The following PDE4B variants were observed in gnomAD, a reference collection of about 807,000 sequenced individuals.
PDE4B encodes phosphodiesterase 4B.
Under a neutral mutation model 82.2 loss-of-function variants are expected in PDE4B, and 20 were observed. The observed-to-expected ratio is 0.24, with a 90% confidence interval of 0.17 to 0.35. The LOEUF (loss-of-function observed/expected upper bound fraction) is 0.35, where lower values mean the gene tolerates loss of function less well. PDE4B is among the 10% of genes least tolerant of loss of function. The pLI is 1.00. For missense variants in PDE4B, 655 were observed against 907.2 expected, an observed-to-expected ratio of 0.72 and a Z score of 3.57; for synonymous variants, 320 against 318.9, an observed-to-expected ratio of 1.00 and a Z score of -0.04.
Position 66,328,696 on chromosome 1 carries a change from G to A in PDE4B, c.635-3812G>A, listed in dbSNP as rs189647916. Among the ~76,000 whole-genome samples, 19 of 152,262 alleles carry A rather than the reference G, an allele frequency of 1.2e-4. 1 individual carries two copies. The highest frequency in any genetic ancestry group is 7.2e-4 in the Admixed American group (11 of 15,302). On this transcript the variant is annotated intron_variant, in intron 7 of 16. Coordinates refer to ENST00000341517, the MANE Select transcript of PDE4B (RefSeq NM_002600.4). ...TCTGCTCGCTGGTGCCCTAGGAATC[G>A]TCCAGCTTCCTTTTTCCCACCTGCA...
At chr1:65,888,221 A>C (rs1057428814) in intron 1 of PDE4B, among the ~76,000 whole-genome samples, 1 of 152,078 alleles carries the variant, frequency 6.6e-6, no homozygotes, top group African/African-American at 2.4e-5. Flanking sequence ...TCTCCAATAT[A>C]TATTCTTGCT....
chr1:65,981,331 T>A (rs1313122360), intron 3 of PDE4B, among the ~76,000 whole-genome samples: 2 of 152,202 alleles, frequency 1.3e-5, no homozygotes, highest in Non-Finnish European at 2.9e-5. Context: ...TTAAGATTGG[T>A]AAAAGTGCAT....
intron 3 of PDE4B, among the ~76,000 whole-genome samples, chr1:65,972,511 G>C (rs1010514193): frequency 9.2e-5 from 14 of 152,250 alleles, no homozygotes; most frequent in African/African-American, 2.9e-4. Flanking sequence ...ATATTCCTGT[G>C]GAAGAAACAA....
At chr1:66,322,842 C>T (rs1659504475) in intron 7 of PDE4B, among the ~76,000 whole-genome samples, 1 of 152,076 alleles carries the variant, frequency 6.6e-6, no homozygotes, top group Non-Finnish European at 1.5e-5. Context: ...TGGTTTACCT[C>T]ATTTAATCTT....
intron 7 of PDE4B, chr1:66,267,089 T>G (rs1416796606): frequency 6.5e-6 from 1 of 154,356 alleles, no homozygotes; most frequent in African/African-American, 2.4e-5. Flanking sequence ...CAGATTCTAT[T>G]GGCTCATTGG....
chr1:66,305,930 C>T (rs542212338), intron 7 of PDE4B, among the ~76,000 whole-genome samples: 1 of 152,198 alleles, frequency 6.6e-6, no homozygotes, highest in South Asian at 2.1e-4. Context: ...CATTTAAAAT[C>T]AGCTTGGATC....
At chr1:65,872,938 T>C (rs745418580) in intron 1 of PDE4B, among the ~76,000 whole-genome samples, 3 of 152,188 alleles carry the variant, frequency 2.0e-5, no homozygotes, top group Non-Finnish European at 4.4e-5. Context: ...TTCAATGACC[T>C]GCAGAGCTAG....
At chr1:66,287,817 T>C (rs1019534675) in intron 7 of PDE4B, among the ~76,000 whole-genome samples, 2 of 151,832 alleles carry the variant, frequency 1.3e-5, no homozygotes, top group Admixed American at 1.3e-4. Flanking sequence ...AACAAAACTT[T>C]ATAAAAGTAG....
At chr1:65,831,931 G>T (rs1352692136) in intron 1 of PDE4B, among the ~76,000 whole-genome samples, 1 of 152,120 alleles carries the variant, frequency 6.6e-6, no homozygotes, top group Admixed American at 6.6e-5. Context: ...CATATATCGG[G>T]CTCTGGGGGT....
intron 1 of PDE4B, among the ~76,000 whole-genome samples, chr1:65,862,743 A>C (rs1461405209): frequency 1.3e-5 from 2 of 152,156 alleles, no homozygotes; most frequent in African/African-American, 4.8e-5. Context: ...TTATTGGTCT[A>C]TTCAGGGATT....
At chr1:65,855,693 C>T (rs1181358120) in intron 1 of PDE4B, among the ~76,000 whole-genome samples, 1 of 152,166 alleles carries the variant, frequency 6.6e-6, no homozygotes, top group Non-Finnish European at 1.5e-5. Context: ...GGAGCCCCCG[C>T]TTTTTCCTAT....
At chr1:65,887,287 TTC>T (rs1457031795) in intron 1 of PDE4B, among the ~76,000 whole-genome samples, 5 of 114,942 alleles carry the variant, frequency 4.4e-5, no homozygotes, top group African/African-American at 1.3e-4. Context: ...TTCTTTTTCT[TTC>T]TCTCTCTCTC....
chr1:66,130,581 C>A (rs563017221), intron 3 of PDE4B, among the ~76,000 whole-genome samples: 98 of 152,310 alleles, frequency 6.4e-4, no homozygotes, highest in Middle Eastern at 3.4e-3. Context: ...ATATGATTCT[C>A]TATCAAGATA....
chr1:66,164,043 G>T (rs539449699), intron 3 of PDE4B, among the ~76,000 whole-genome samples: 3 of 152,130 alleles, frequency 2.0e-5, no homozygotes, highest in Non-Finnish European at 4.4e-5. Context: ...CCCTGCCATA[G>T]ACTTTTTCCA....
At chr1:66,325,926 G>A (rs528601146) in intron 7 of PDE4B, among the ~76,000 whole-genome samples, 1 of 152,286 alleles carries the variant, frequency 6.6e-6, no homozygotes, top group Non-Finnish European at 1.5e-5. Context: ...TGAGGAAATG[G>A]AAGCACAGTG....
At chr1:65,793,581 G>A (rs1471523080) in intron 1 of PDE4B, among the ~76,000 whole-genome samples, 2 of 152,148 alleles carry the variant, frequency 1.3e-5, no homozygotes, top group Non-Finnish European at 2.9e-5. Context: ...CCCTGGAGTA[G>A]GTGACGGATG....
chr1:66,119,292 C>T (rs1645660664), intron 3 of PDE4B, among the ~76,000 whole-genome samples: 1 of 152,176 alleles, frequency 6.6e-6, no homozygotes, highest in Non-Finnish European at 1.5e-5. Context: ...GTGTTTTCCA[C>T]TGTGATTTTG....
At chr1:65,929,678 G>A (rs1397199918) in intron 3 of PDE4B, among the ~76,000 whole-genome samples, 5 of 152,156 alleles carry the variant, frequency 3.3e-5, no homozygotes, top group Non-Finnish European at 4.4e-5. Context: ...GAACTTAGGC[G>A]CAACCAATCA....
At chr1:66,122,806 A>G (rs1349956847) in intron 3 of PDE4B, among the ~76,000 whole-genome samples, 1 of 150,460 alleles carries the variant, frequency 6.6e-6, no homozygotes, top group Non-Finnish European at 1.5e-5. Context: ...CCCGGATTCA[A>G]GTGATTCTCT....
Sources: allele counts gnomAD v4.1 joint callset (sites outside exome capture counted in the v4.1 genomes callset), GRCh38; gene constraint gnomAD v4.1.1; transcripts MANE v1.5; gene names NCBI Gene and HGNC (gene_info 2026-07-23, HGNC 2026-07-21).